FMN1: variants seen among roughly 807,000 people sequenced by gnomAD.
The protein encoded by FMN1 is formin 1.
A neutral mutation model predicts 132.4 loss-of-function variants in FMN1; 110 were observed. The observed-to-expected ratio is 0.83, with a 90% CI of 0.71 to 0.97. FMN1 has a LOEUF of 0.97. Among genes scored for constraint, FMN1 ranks in the 50% least tolerant of loss-of-function variants. The probability of loss-of-function intolerance (pLI) is 0.00; values close to 1 mark genes in which losing one functional copy is unlikely to be tolerated. For synonymous variants in FMN1, 722 were observed against 651.7 expected (o/e 1.11, Z -1.64); for missense variants, 1,792 against 1,705.3 (o/e 1.05, Z -0.90).
At chr15:32,932,164 C>T (rs989230134) in intron 9 of FMN1, among the ~76,000 whole-genome samples, 9 of 152,036 alleles carry the variant, frequency 5.9e-5, no homozygotes, top group African/African-American at 2.2e-4. Context: ...TTTGGGAGGC[C>T]GAGGTAGGCG....
chr15:32,974,928 G>T (rs1169728853), intron 7 of FMN1, among the ~76,000 whole-genome samples: 1 of 152,174 alleles, frequency 6.6e-6, no homozygotes, highest in African/African-American at 2.4e-5. Flanking sequence ...CAGCAGACAA[G>T]CCTAAATTCT....
At position 32,894,486 on chromosome 15, in the gene FMN1, T is replaced by C. The variant is rs906275615; in HGVS notation, c.3714+4348A>G. Reference sequence around the variant, plus strand: ...GTGACAGAGCGAGACTCCATCTCAATTAAAAAAAAAAAAAAAGAGAGACAA... The same window carrying C: ...GTGACAGAGCGAGACTCCATCTCAACTAAAAAAAAAAAAAAAGAGAGACAA... On this transcript the variant is annotated intron_variant, in intron 15 of 20. Coordinates refer to ENST00000616417, the MANE Select transcript of FMN1 (RefSeq NM_001277313.2). Among the ~76,000 whole-genome samples the C allele has an allele frequency of 1.0e-4, 14 of 135,486 alleles. No individual in the cohort carries two copies. The South Asian group carries it at 3.0e-3, about 29-fold the overall frequency. The allele number at this position is 135,486 out of a possible 152,430, so 88.9% of individuals were successfully genotyped here.
intron 4 of FMN1, among the ~76,000 whole-genome samples, chr15:33,117,774 T>C (rs1209025517): frequency 6.6e-6 from 1 of 152,136 alleles, no homozygotes; most frequent in African/African-American, 2.4e-5. Flanking sequence ...AGATTAATAT[T>C]GCCTCAAAGG....
At position 32,870,014 on chromosome 15, in the gene FMN1, G is replaced by A. The variant is rs143634586; in HGVS notation, c.3836-12907C>T. Among the ~76,000 whole-genome samples the A allele has an allele frequency of 6.6e-5, 10 of 152,282 alleles. No individual in the cohort carries two copies. The East Asian group carries it at 1.5e-3, about 23-fold the overall frequency. ...GAAAGAACGCCAAAATGGGGAAGTC[G>A]TTGGAATTAAGCCTAAAAGATAGCT... On this transcript the variant is annotated intron_variant, in intron 16 of 20. Coordinates refer to ENST00000616417, the MANE Select transcript of FMN1 (RefSeq NM_001277313.2).
rs114053028 is a variant in FMN1, at chr15:33,041,692, A to T, written c.2161+23265T>A. 3.8e-3 allele frequency among the ~76,000 whole-genome samples: 556 copies of T among 145,000 alleles called. 4 individuals carry two copies. The highest frequency in any genetic ancestry group is 0.014 in the African/African-American group (530 of 38,442). ...TCTCATACCCATTAAAACGGCTATT[A>T]AAAAAAAACGGTAAATAAGTGTTGT... is the stretch of plus-strand genomic sequence containing the variant. On this transcript the variant is annotated intron_variant, in intron 6 of 20. Coordinates refer to ENST00000616417, the MANE Select transcript of FMN1 (RefSeq NM_001277313.2).
intron 19 of FMN1, among the ~76,000 whole-genome samples, chr15:32,785,218 A>ATATATATATATTTT (rs1444523400): frequency 1.3e-4 from 5 of 39,204 alleles, no homozygotes; most frequent in Non-Finnish European, 1.4e-4. Context: ...ATATATATAT[A>ATATATATATATTTT]TTTTTTTTTT....
At chr15:33,019,757 A>AG (rs2035315390) in intron 6 of FMN1, among the ~76,000 whole-genome samples, 1 of 152,164 alleles carries the variant, frequency 6.6e-6, no homozygotes, top group Non-Finnish European at 1.5e-5. Flanking sequence ...CAGGGCCGGC[A>AG]GGCCACTCGG....
At chr15:32,849,054 G>C (rs2058938316) in intron 17 of FMN1, among the ~76,000 whole-genome samples, 1 of 143,764 alleles carries the variant, frequency 7.0e-6, no homozygotes, top group Non-Finnish European at 1.5e-5. Flanking sequence ...CGCAATCTCG[G>C]CTCACTGCAA....
chr15:32,856,513 G>C (rs1258499973), intron 17 of FMN1, among the ~76,000 whole-genome samples: 1 of 152,194 alleles, frequency 6.6e-6, no homozygotes, highest in Non-Finnish European at 1.5e-5. Flanking sequence ...AGGGCTGATA[G>C]GTAGCAAGTG....
intron 6 of FMN1, among the ~76,000 whole-genome samples, chr15:33,040,243 G>A (rs979435083): frequency 5.3e-5 from 8 of 152,192 alleles, no homozygotes; most frequent in African/African-American, 1.9e-4. Context: ...CCGGAAGCCT[G>A]TCCTAATTAC....
At chr15:32,966,758 C>T (rs1012414454) in intron 8 of FMN1, among the ~76,000 whole-genome samples, 3 of 152,182 alleles carry the variant, frequency 2.0e-5, no homozygotes, top group African/African-American at 7.2e-5. Flanking sequence ...ATTTATGATG[C>T]AATCATTATA....
chr15:32,900,949 T>C (rs958166712), intron 13 of FMN1, among the ~76,000 whole-genome samples: 1 of 151,496 alleles, frequency 6.6e-6, no homozygotes, highest in Non-Finnish European at 1.5e-5. Context: ...AGGTCTGGAG[T>C]TCAAGACCAG....
intron 2 of FMN1, among the ~76,000 whole-genome samples, chr15:33,186,591 G>T (rs1056340713): frequency 6.6e-6 from 1 of 152,150 alleles, no homozygotes; most frequent in African/African-American, 2.4e-5. Context: ...TAAATAGCCA[G>T]ATTCTATCTT....
At chr15:33,040,711 C>A (rs1191520565) in intron 6 of FMN1, among the ~76,000 whole-genome samples, 2 of 152,190 alleles carry the variant, frequency 1.3e-5, no homozygotes, top group Admixed American at 6.5e-5. Flanking sequence ...GGGAAATCCC[C>A]CAGGAGTCAT....
intron 6 of FMN1, among the ~76,000 whole-genome samples, chr15:33,048,638 A>AAAAAAAAAAACAAAAAAAAAAAC (rs2036809690): frequency 4.7e-5 from 1 of 21,494 alleles, no homozygotes; most frequent in African/African-American, 1.2e-4. Context: ...TACCAAAAAA[A>AAAAAAAAAAACAAAAAAAAAAAC]AAAAAAAAAA....
At chr15:33,164,832 G>A (rs1365497305) in intron 3 of FMN1, among the ~76,000 whole-genome samples, 1 of 151,942 alleles carries the variant, frequency 6.6e-6, no homozygotes, top group African/African-American at 2.4e-5. Flanking sequence ...ATACTTATGG[G>A]GTACATGAAA....
At chr15:33,016,819 CAGG>C (rs1395602741) in intron 6 of FMN1, among the ~76,000 whole-genome samples, 1 of 152,192 alleles carries the variant, frequency 6.6e-6, no homozygotes, top group Non-Finnish European at 1.5e-5. Flanking sequence ...GGCTTTGACG[CAGG>C]AGATGTGAAC....
intron 4 of FMN1, among the ~76,000 whole-genome samples, chr15:33,116,351 T>A (rs1342998624): frequency 6.6e-6 from 1 of 152,170 alleles, no homozygotes; most frequent in Non-Finnish European, 1.5e-5. Flanking sequence ...GCAGCCAAGT[T>A]GCAACAAATC....
intron 6 of FMN1, among the ~76,000 whole-genome samples, chr15:33,056,332 C>T (rs1228078023): frequency 2.6e-5 from 4 of 152,190 alleles, no homozygotes; most frequent in East Asian, 1.9e-4. Context: ...AAGGACAATT[C>T]GAGAATCAGG....
Sources: allele counts gnomAD v4.1 joint callset (sites outside exome capture counted in the v4.1 genomes callset), GRCh38; gene constraint gnomAD v4.1.1; transcripts MANE v1.5; gene names NCBI Gene and HGNC (gene_info 2026-07-23, HGNC 2026-07-21).